PTPRJ: variants seen among roughly 807,000 people sequenced by gnomAD.
PTPRJ encodes receptor-type tyrosine-protein phosphatase eta.
Under a neutral mutation model 141.3 loss-of-function variants are expected in PTPRJ, and 129 were observed. The observed-to-expected ratio is 0.91, with a 90% CI of 0.79 to 1.06. The LOEUF is 1.06. PTPRJ is among the 50% of genes least tolerant of loss of function. The pLI is 0.00. For synonymous variants in PTPRJ, 610 were observed against 640.5 expected (o/e 0.95, Z 0.72); for missense variants, 1,601 against 1,679.7 (o/e 0.95, Z 0.82).
rs1858030546 is a variant in PTPRJ at position 48,170,555 on chromosome 11, C to T, written c.*3193C>T. On this transcript the variant is annotated 3_prime_UTR_variant, in exon 25 of 25. Transcript: ENST00000418331. Reference sequence around the variant, plus strand: ...GTCTTGGTGACTGTTGTTGATTTGCCTCAAAAGTTTTAAGTCCTGGGTTTT... The same window carrying T: ...GTCTTGGTGACTGTTGTTGATTTGCTTCAAAAGTTTTAAGTCCTGGGTTTT... 1 of 152,096 alleles carries T rather than the reference C, an allele frequency of 6.6e-6. No individual in the cohort carries two copies. Among genetic ancestry groups the T allele is most frequent in the Non-Finnish European group, 1.5e-5 (1 of 68,016 alleles). 9.4% of individuals were successfully genotyped at this position (152,096 alleles called of 1,614,324 possible).
intron 1 of PTPRJ, among the ~76,000 whole-genome samples, chr11:48,100,127 G>A (rs1856116450): frequency 6.6e-6 from 1 of 152,126 alleles, no homozygotes; most frequent in African/African-American, 2.4e-5. Context: ...GAGGTGGGGT[G>A]GCTGCCTTGG....
chr11:48,161,770 G>A (rs1857784909), intron 22 of PTPRJ, among the ~76,000 whole-genome samples: 1 of 151,966 alleles, frequency 6.6e-6, no homozygotes, highest in Non-Finnish European at 1.5e-5. Context: ...CTGCCACCAT[G>A]CCCAGCTAAT....
chr11:48,112,867 T>G lies in PTPRJ; in HGVS notation c.236T>G (p.Val79Gly). The G allele has an allele frequency of 6.2e-7, 1 of 1,614,062 alleles. No homozygotes were observed. The highest frequency in any genetic ancestry group is 8.5e-7 in the Non-Finnish European group (1 of 1,179,982). The change falls in exon 3 of 25, where the codon GTG (valine) becomes GGG (glycine). Residue 79 changes from valine to glycine, a missense_variant. Physicochemically the swap from Val to Gly is moderately radical, Grantham distance 109. Transcript: ENST00000418331. Reference protein sequence around the residue: ...HKQNGTGTPQVETNTSEDGES... With the variant: ...HKQNGTGTPQGETNTSEDGES... The stretch of plus-strand genomic sequence containing the variant: ...CAGAATGGAACTGGAACACCTCAGG[T>G]GGAAACAAACACCAGTGAGGATGGT...
intron 1 of PTPRJ, among the ~76,000 whole-genome samples, chr11:48,077,851 A>T (rs1419176730): frequency 6.6e-6 from 1 of 152,214 alleles, no homozygotes; most frequent in African/African-American, 2.4e-5. Flanking sequence ...AACCTTGTGA[A>T]CAAATATTCT....
chr11:48,095,974 A>G (rs76809855), intron 1 of PTPRJ, among the ~76,000 whole-genome samples: 297 of 152,298 alleles, frequency 2.0e-3, no homozygotes, highest in Non-Finnish European at 2.6e-3. Flanking sequence ...GTGGAAACTG[A>G]CACTTCAGGA....
intron 1 of PTPRJ, among the ~76,000 whole-genome samples, chr11:48,018,668 G>T (rs1005797952): frequency 2.6e-5 from 4 of 152,230 alleles, no homozygotes; most frequent in Non-Finnish European, 1.5e-5. Flanking sequence ...GTGTCAGCGA[G>T]GGGGAGGGGC....
intron 1 of PTPRJ, among the ~76,000 whole-genome samples, chr11:47,986,609 C>A (rs575461217): frequency 6.6e-6 from 1 of 152,140 alleles, no homozygotes; most frequent in African/African-American, 2.4e-5. Flanking sequence ...CTCCGCCTCC[C>A]GGGTTCAAGC....
chr11:48,142,567 A>T (rs1001939803), intron 11 of PTPRJ, among the ~76,000 whole-genome samples: 2 of 150,288 alleles, frequency 1.3e-5, no homozygotes, highest in Non-Finnish European at 2.9e-5. Flanking sequence ...CATCTCCTTG[A>T]TTGTATTCTA....
Position 48,121,174 on chromosome 11 carries a change from G to A in PTPRJ, c.524G>A (p.Gly175Asp). Residue 175 changes from glycine to aspartate, a missense_variant, in exon 4 of 25, where the codon GGC becomes GAC. Coordinates refer to ENST00000418331, the MANE Select transcript of PTPRJ (RefSeq NM_002843.4). Reference protein sequence around the residue: ...VVHQPWCNITGLRPATSYVFS... With the variant: ...VVHQPWCNITDLRPATSYVFS... ...CATCAACCATGGTGTAACATCACAGGCTTACGTCCAGCGACTTCATATGTA... is the reference window on the plus strand; with the variant it reads ...CATCAACCATGGTGTAACATCACAGACTTACGTCCAGCGACTTCATATGTA... 6.2e-7 allele frequency: 1 copy of A among 1,614,070 alleles called. No individual in the cohort carries two copies. The highest frequency in any genetic ancestry group is 8.5e-7 in the Non-Finnish European group (1 of 1,179,966).
chr11:48,097,890 C>G (rs1212464124), intron 1 of PTPRJ, among the ~76,000 whole-genome samples: 2 of 152,052 alleles, frequency 1.3e-5, no homozygotes, highest in African/African-American at 4.8e-5. Context: ...GGCCTTTAAG[C>G]AACCCAAGAC....
rs180821693 is a variant in PTPRJ at position 48,007,162 on chromosome 11, G to A, written c.96+26154G>A. 2.2e-3 allele frequency among the ~76,000 whole-genome samples: 333 copies of A among 151,520 alleles called. 1 individual carries two copies. Among genetic ancestry groups the A allele is most frequent in the Non-Finnish European group, 4.3e-3 (291 of 67,872 alleles). ...GTCTCCCAGGCTGGAGTGCAGTGGC[G>A]CAATCTCTGCTCACTGCAAGCTCCG... On this transcript the variant is annotated intron_variant, in intron 1 of 24. Transcript: ENST00000418331.
At chr11:48,039,394 G>A (rs1854215338) in intron 1 of PTPRJ, among the ~76,000 whole-genome samples, 1 of 151,594 alleles carries the variant, frequency 6.6e-6, no homozygotes, top group South Asian at 2.1e-4. Flanking sequence ...TGGCAGTGCT[G>A]GAGATTAAAT....
At chr11:48,138,327 G>GCTAAGATATGTTAAGCTACAT (rs1857151957) in intron 10 of PTPRJ, among the ~76,000 whole-genome samples, 8 of 152,186 alleles carry the variant, frequency 5.3e-5, no homozygotes, top group African/African-American at 1.9e-4. Flanking sequence ...CTTAGCTATA[G>GCTAAGATATGTTAAGCTACAT]TTATTTGTAG....
In PTPRJ at chr11:48,164,500, A is replaced by G; in HGVS notation, c.3840A>G (p.Leu1280=). 1 of 1,609,464 alleles carries G rather than the reference A, an allele frequency of 6.2e-7. No homozygotes were observed. The highest frequency in any genetic ancestry group is 8.5e-7 in the Non-Finnish European group (1 of 1,178,080). ...IVYDLRMHRP[L]MVQTEDQYVF... Reference sequence around the variant, plus strand: ...ATGACCTTCGAATGCATAGGCCTTTAATGGTGCAGACAGAGGTGAGGCCAA... The same window carrying G: ...ATGACCTTCGAATGCATAGGCCTTTGATGGTGCAGACAGAGGTGAGGCCAA... Residue 1280 remains leucine (L), a synonymous_variant, in exon 24 of 25, where the codon TTA becomes TTG. Transcript: ENST00000418331.
rs187148774 is a variant in PTPRJ at position 48,068,731 on chromosome 11, A to G, written c.97-41327A>G. On this transcript the variant is annotated intron_variant, in intron 1 of 24. Coordinates refer to ENST00000418331, the MANE Select transcript of PTPRJ (RefSeq NM_002843.4). ...AGCTCAGGCAGAGGAACACAGAGCC[A>G]GGATGGTCCATGCACGGAATCTGGC... 3.7e-3 allele frequency among the ~76,000 whole-genome samples: 566 copies of G among 152,372 alleles called. 7 individuals carry two copies. Among genetic ancestry groups the G allele is most frequent in the Non-Finnish European group, 3.7e-3 (251 of 68,034 alleles).
intron 1 of PTPRJ, among the ~76,000 whole-genome samples, chr11:48,031,721 T>C (rs1009122019): frequency 2.6e-5 from 4 of 152,202 alleles, no homozygotes; most frequent in South Asian, 4.1e-4. Context: ...CTAGTCTTTC[T>C]TGTGGTCTCC....
rs1168408801 is a variant in PTPRJ at position 48,125,166 on chromosome 11, A to G, written c.1073A>G (p.Gln358Arg). 5 of 1,614,172 alleles carry G rather than the reference A, an allele frequency of 3.1e-6. No homozygotes were observed. The highest frequency in any genetic ancestry group is 4.2e-6 in the Non-Finnish European group (5 of 1,180,024). ...GCGAATGGCACAGAAGGACAGCCCC[A>G]GGCCATAGAGTTCAGGACAAGTAGG... ...QAANGTEGQP[Q>R]AIEFRTNAIQ... The change falls in exon 6 of 25, where the codon CAG becomes CGG. Residue 358 changes from glutamine to arginine, a missense_variant. Gln to Arg is a conservative substitution (Grantham distance 43). Transcript: ENST00000418331.
chr11:48,090,504 A>G (rs1201608002), intron 1 of PTPRJ, among the ~76,000 whole-genome samples: 1 of 152,156 alleles, frequency 6.6e-6, no homozygotes, highest in Non-Finnish European at 1.5e-5. Context: ...TCCTCTTCAG[A>G]GACAGATCCG....
chr11:48,153,180 GCTGA>G (rs1293914281), intron 18 of PTPRJ, among the ~76,000 whole-genome samples: 1 of 152,118 alleles, frequency 6.6e-6, no homozygotes, highest in Non-Finnish European at 1.5e-5. Context: ...AATCCATCTC[GCTGA>G]CTGACTAAAA....
Sources: allele counts gnomAD v4.1 joint callset (sites outside exome capture counted in the v4.1 genomes callset), GRCh38; gene constraint gnomAD v4.1.1; transcripts MANE v1.5; gene names NCBI Gene and HGNC (gene_info 2026-07-23, HGNC 2026-07-21).